Variants in PSD3 observed in about 807,000 individuals in gnomAD.
The protein encoded by PSD3 is pleckstrin and Sec7 domain containing 3, also known as PH and SEC7 domain-containing protein 3.
In PSD3, 49 loss-of-function variants were observed where a neutral mutation model predicts 105.5. That is an observed-to-expected ratio of 0.46 (90% CI 0.37 to 0.59). PSD3 has a LOEUF of 0.59. Among genes scored for constraint, PSD3 ranks in the 20% least tolerant of loss-of-function variants. The pLI, the probability that PSD3 is intolerant of heterozygous loss-of-function variation, is 0.00. For missense variants in PSD3, 1,561 were observed against 1,263.8 expected, an observed-to-expected ratio of 1.24 and a Z score of -3.57; for synonymous variants, 557 against 457.8, an observed-to-expected ratio of 1.22 and a Z score of -2.77.
Position 18,801,389 on chromosome 8 carries a change from G to T in PSD3, c.1911-7C>A, listed in dbSNP as rs758005072. 40 of 1,537,714 alleles carry T rather than the reference G, an allele frequency of 2.6e-5. No individual in the cohort carries two copies. The highest frequency in any genetic ancestry group is 3.6e-5 in the Non-Finnish European group (40 of 1,121,610). ...GAATGCTTTAAAGAAATACCTACAA[G>T]AGAATTAAAAATTTAAACAGTGAAA... On this transcript the variant is annotated splice_region_variant and splice_polypyrimidine_tract_variant and intron_variant, in intron 6 of 15. Transcript: ENST00000327040.
At chr8:18,763,480 A>C (rs1806714192) in intron 9 of PSD3, among the ~76,000 whole-genome samples, 1 of 152,180 alleles carries the variant, frequency 6.6e-6, no homozygotes, top group Admixed American at 6.6e-5. Flanking sequence ...TTTCCCCCAG[A>C]ATTCAAGTAT....
chr8:18,840,032 G>C (rs577923370), intron 4 of PSD3, among the ~76,000 whole-genome samples: 1 of 152,226 alleles, frequency 6.6e-6, no homozygotes, highest in South Asian at 2.1e-4. Context: ...ACAAAATACT[G>C]GCTTGTGCTT....
intron 9 of PSD3, among the ~76,000 whole-genome samples, chr8:18,689,354 A>G (rs889269696): frequency 1.3e-5 from 2 of 152,180 alleles, no homozygotes; most frequent in African/African-American, 4.8e-5. Context: ...TCAACAGGAG[A>G]GTATCAAACG....
chr8:18,950,500 T>C (rs1823167607), intron 1 of PSD3, among the ~76,000 whole-genome samples: 1 of 152,192 alleles, frequency 6.6e-6, no homozygotes, highest in Non-Finnish European at 1.5e-5. Context: ...CTTGTCCAAC[T>C]GAGGCTTTGC....
intron 9 of PSD3, among the ~76,000 whole-genome samples, chr8:18,687,731 T>C (rs554055807): frequency 1.3e-5 from 2 of 152,238 alleles, no homozygotes; most frequent in South Asian, 4.1e-4. Context: ...CCATCCCTTT[T>C]CTTCTCATGG....
chr8:18,676,195 G>C (rs1270765687), intron 9 of PSD3, among the ~76,000 whole-genome samples: 1 of 152,068 alleles, frequency 6.6e-6, no homozygotes, highest in East Asian at 1.9e-4. Context: ...TGACAGCATG[G>C]ACCAGCATTT....
At chr8:18,565,761 C>A (rs140184292) in intron 14 of PSD3, among the ~76,000 whole-genome samples, 1 of 152,136 alleles carries the variant, frequency 6.6e-6, no homozygotes, top group African/African-American at 2.4e-5. Context: ...GCTGGTCTCA[C>A]GGCTTCACAT....
chr8:18,702,032 G>C (rs777009845), intron 9 of PSD3, among the ~76,000 whole-genome samples: 1 of 152,114 alleles, frequency 6.6e-6, no homozygotes, highest in Non-Finnish European at 1.5e-5. Flanking sequence ...GAGTGCATTC[G>C]TTTCAGCATT....
At chr8:18,775,032 C>G (rs1250896829) in intron 8 of PSD3, 1 of 452,986 alleles carries the variant, frequency 2.2e-6, no homozygotes, top group African/African-American at 2.0e-5. Flanking sequence ...CTCCTACCTT[C>G]TGGTAACCAC....
chr8:18,700,405 G>T (rs1275338092), intron 9 of PSD3, among the ~76,000 whole-genome samples: 1 of 152,160 alleles, frequency 6.6e-6, no homozygotes, highest in Non-Finnish European at 1.5e-5. Context: ...GAGTACGGTT[G>T]TTTCTTAAGG....
At chr8:18,776,365 A>AAT (rs199673015) in intron 8 of PSD3, among the ~76,000 whole-genome samples, 1 of 135,838 alleles carries the variant, frequency 7.4e-6, no homozygotes, top group East Asian at 2.8e-4. Context: ...TATATATCTA[A>AAT]ATATATGTAT....
chr8:19,058,990 T>C (rs527770409), intron 1 of PSD3, among the ~76,000 whole-genome samples: 1 of 152,168 alleles, frequency 6.6e-6, no homozygotes, highest in African/African-American at 2.4e-5. Context: ...TGAAGAGATA[T>C]AGCATATATG....
At position 18,872,596 on chromosome 8, in the gene PSD3, C is replaced by T. The variant is rs1309579412; in HGVS notation, c.268G>A (p.Glu90Lys). The T allele has an allele frequency of 2.5e-6, 4 of 1,614,110 alleles. No individual in the cohort carries two copies. The highest frequency in any genetic ancestry group is 3.4e-6 in the Non-Finnish European group (4 of 1,180,016). ...GTAAGAGGCTGGACACCCTGCTGCT[C>T]TTGTGGGTGGCATGGCAGAGCCTCA... is the stretch of plus-strand genomic sequence containing the variant. ...DGEALPCHPQ[E>K]QQGVQPLTGC... Residue 90 changes from glutamate (E) to lysine (K), a missense_variant, in exon 3 of 16, where the codon GAG becomes AAG. By Grantham distance (56) the Glu-to-Lys change is moderately conservative. Transcript: ENST00000327040.
chr8:19,065,749 C>T (rs967095302), intron 1 of PSD3, among the ~76,000 whole-genome samples: 8 of 152,142 alleles, frequency 5.3e-5, no homozygotes, highest in African/African-American at 1.9e-4. Flanking sequence ...CAAGCCCTAA[C>T]CTTTTGAGTT....
chr8:18,662,257 T>G (rs1027492570), intron 9 of PSD3, among the ~76,000 whole-genome samples: 1 of 152,184 alleles, frequency 6.6e-6, no homozygotes, highest in Non-Finnish European at 1.5e-5. Flanking sequence ...TGTAATCATT[T>G]TTAAGCACAT....
At chr8:18,734,796 CCA>C (rs1394141103) in intron 9 of PSD3, among the ~76,000 whole-genome samples, 1 of 152,138 alleles carries the variant, frequency 6.6e-6, no homozygotes, top group East Asian at 1.9e-4. Flanking sequence ...AGAAGGAAGA[CCA>C]CAGTTTCTCA....
intron 9 of PSD3, among the ~76,000 whole-genome samples, chr8:18,669,605 G>C (rs1476432230): frequency 6.6e-6 from 1 of 152,190 alleles, no homozygotes; most frequent in Admixed American, 6.5e-5. Flanking sequence ...GGAAGGATTC[G>C]CGTCCACATG....
intron 9 of PSD3, among the ~76,000 whole-genome samples, chr8:18,664,773 A>T (rs991226107): frequency 6.6e-6 from 1 of 152,180 alleles, no homozygotes; most frequent in African/African-American, 2.4e-5. Context: ...CTCTCTTCTT[A>T]GGGGCAATGG....
intron 9 of PSD3, among the ~76,000 whole-genome samples, chr8:18,715,023 T>A (rs1326513046): frequency 6.6e-6 from 1 of 152,064 alleles, no homozygotes; most frequent in Non-Finnish European, 1.5e-5. Flanking sequence ...AGCAAACTAA[T>A]GCAGGAAAAG....
Sources: gnomAD v4.1 joint callset for allele counts (sites outside exome capture counted in the v4.1 genomes callset) on GRCh38, gnomAD v4.1.1 for gene constraint, MANE v1.5 for transcripts, NCBI Gene and HGNC (gene_info 2026-07-23, HGNC 2026-07-21) for gene names.